ASB12: variants seen among roughly 807,000 people sequenced by gnomAD.
The protein encoded by ASB12 is ankyrin repeat and SOCS box containing 12, also known as ankyrin repeat and SOCS box protein 12.
ASB12 carries 17 observed loss-of-function variants against 13.7 expected under a neutral mutation model. The ratio of observed to expected loss-of-function variants is 1.24; its 90% CI spans 0.85 to 1.86. ASB12 has a LOEUF of 1.86. ASB12 is among the 40% of genes most tolerant of loss of function. ASB12 has a pLI of 0.00. For synonymous variants in ASB12, 107 were observed against 99.8 expected, an observed-to-expected ratio of 1.07 and a Z score of -0.43; for missense variants, 329 against 250.5, an observed-to-expected ratio of 1.31 and a Z score of -2.11.
rs994552026 is a variant in ASB12, at chrX:64,225,684, A to G, written c.-24-10T>C. The G allele has an allele frequency of 2.6e-6, 3 of 1,156,224 alleles. No homozygotes were observed. In the African/African-American group the frequency reaches 5.4e-5, roughly 21 times the overall value. On this transcript the variant is annotated splice_polypyrimidine_tract_variant and intron_variant, in intron 1 of 2. Coordinates refer to ENST00000362002, the MANE Select transcript of ASB12 (RefSeq NM_130388.4). ...CAAGGAAATGCCAGATCTGTGGGTG[A>G]CAAACAAGTGGGAGAGAATGAGGGT...
intron 2 of ASB12, 139 bp downstream of exon 2, chrX:64,224,689 T>C (rs1602081521): frequency 2.1e-6 from 1 of 471,390 alleles, no homozygotes; most frequent in African/African-American, 3.7e-5. Context: ...ACATAACCCC[T>C]CTTCTCTACT....
Position 64,225,646 on chromosome X carries a change from C to A in ASB12, c.5G>T (p.Arg2Ile). ...CATCTTGGCTAATTGGAGAACTATT[C>A]TCATTATGAGCACAAGGAAATGCCA... M[R>I]IVLQLAKMNL... The change falls in exon 2 of 3, where the codon AGA becomes ATA. Residue 2 changes from arginine to isoleucine, a missense_variant. Coordinates refer to ENST00000362002, the MANE Select transcript of ASB12 (RefSeq NM_130388.4). 4 of 1,181,771 alleles carry A rather than the reference C, an allele frequency of 3.4e-6. No homozygotes were observed. The highest frequency in any genetic ancestry group is 3.4e-6 in the Non-Finnish European group (3 of 879,743).
Position 64,224,832 on chromosome X carries a change from G to A in ASB12, c.819C>T (p.Ala273=). 1.7e-6 allele frequency: 2 copies of A among 1,181,211 alleles called. No homozygotes were observed. The highest frequency in any genetic ancestry group is 2.3e-6 in the Non-Finnish European group (2 of 877,963). ...GCTGGCCTGTTCACCACTCACCTCG[G>A]GCCTGTAGCAGCAATGCAATGCCTT... ...DDKGIALLLQ[A]RATPRSLLSQ... The change falls in exon 2 of 3, where the codon GCC becomes GCT. Residue 273 remains alanine, a synonymous_variant. Transcript: ENST00000362002.
At chrX:64,224,619 G>T in intron 2 of ASB12, 151 bp from the exon 3 acceptor site, 3 of 809,197 alleles carry the variant, frequency 3.7e-6, no homozygotes, top group South Asian at 5.6e-5. Context: ...ACCAGAAATT[G>T]GGCTAATGCT....
At position 64,224,397 on chromosome X, in the gene ASB12, G is replaced by A; in HGVS notation, c.895C>T (p.Gln299Ter). 1.7e-6 allele frequency: 2 copies of A among 1,210,017 alleles called. No individual in the cohort carries two copies. Among genetic ancestry groups the A allele is most frequent in the South Asian group, 1.8e-5 (1 of 56,919 alleles). ...GGAATATCCAGCTGGTTGATGGCTT[G>A]TGGCTGGCCAGCCTGGCACAAGGCT... The part of the protein sequence containing the change: ...RRALCQAGQP[Q>*]AINQLDIPPM... Residue 299 changes from glutamine (Q) to a stop codon, truncating the protein, a stop_gained, in exon 3 of 3, where the codon CAA becomes TAA. Coordinates refer to ENST00000362002, the MANE Select transcript of ASB12 (RefSeq NM_130388.4). LOFTEE classifies it high-confidence loss of function.
In ASB12 at chrX:64,224,213, A is replaced by G; in HGVS notation, c.*122T>C. ...TGGGACTTATTTTCTGGAGAATTTT[A>G]TTGTGGAGGATAATACAGGAGAGCA... On this transcript the variant is annotated 3_prime_UTR_variant, in exon 3 of 3. Coordinates refer to ENST00000362002, the MANE Select transcript of ASB12 (RefSeq NM_130388.4). 1 of 815,497 alleles carries G rather than the reference A, an allele frequency of 1.2e-6. No individual in the cohort carries two copies. Among genetic ancestry groups the G allele is most frequent in the South Asian group, 2.6e-5 (1 of 38,547 alleles). The allele number at this position is 815,497 out of a possible 1,213,427, so 67.2% of individuals were successfully genotyped here. A position where few individuals can be genotyped will look rare whatever the true frequency, so the allele number is the denominator to read the frequency against.
intron 1 of ASB12, among the ~76,000 whole-genome samples, chrX:64,229,307 C>T (rs925931635): frequency 8.9e-6 from 1 of 111,968 alleles, no homozygotes; most frequent in African/African-American, 3.3e-5. Flanking sequence ...GAGCCCACAG[C>T]AGAGCTCATA....
Position 64,224,259 on chromosome X carries a change from G to A in ASB12, c.*76C>T. ...GAGCAGCTCCAGGTAAGTGGATGAG[G>A]CTGTAATGCTCTCCAGCTACGTGAG... On this transcript the variant is annotated 3_prime_UTR_variant, in exon 3 of 3. Coordinates refer to ENST00000362002, the MANE Select transcript of ASB12 (RefSeq NM_130388.4). The A allele has an allele frequency of 1.9e-6, 2 of 1,078,304 alleles. No homozygotes were observed. Among genetic ancestry groups the A allele is most frequent in the East Asian group, 6.1e-5 (2 of 32,700 alleles). 88.9% of individuals were successfully genotyped at this position (1,078,304 alleles called of 1,213,427 possible).
Position 64,224,956 on chromosome X carries a change from T to C in ASB12, c.695A>G (p.His232Arg). The C allele has an allele frequency of 8.3e-7, 1 of 1,211,557 alleles. No homozygotes were observed. The highest frequency in any genetic ancestry group is 1.8e-5 in the South Asian group (1 of 56,900). Residue 232 changes from histidine to arginine, a missense_variant, in exon 2 of 3, where the codon CAT (histidine) becomes CGT (arginine). Physicochemically the swap from His to Arg is conservative, Grantham distance 29. Coordinates refer to ENST00000362002, the MANE Select transcript of ASB12 (RefSeq NM_130388.4). ...GATATACTCTGGCTCACAATTATGA[T>C]GGAGGCAGATTTCAAGGAGGGTGCG... ...RPRTLLEICL[H>R]HNCEPEYIQL... is the part of the protein sequence containing the mutation.
Position 64,225,624 on chromosome X carries a change from C to T in ASB12, c.27G>A (p.Lys9=). The part of the protein sequence containing the change: MRIVLQLA[K]MNLMDITKIF... Reference sequence around the variant, plus strand: ...TCTTGGTGATGTCCATGAGGTTCATCTTGGCTAATTGGAGAACTATTCTCA... The same window carrying T: ...TCTTGGTGATGTCCATGAGGTTCATTTTGGCTAATTGGAGAACTATTCTCA... Residue 9 remains lysine (K), a synonymous_variant, in exon 2 of 3, where the codon AAG becomes AAA. Coordinates refer to ENST00000362002, the MANE Select transcript of ASB12 (RefSeq NM_130388.4). The T allele has an allele frequency of 8.4e-7, 1 of 1,195,012 alleles. No homozygotes were observed. Among genetic ancestry groups the T allele is most frequent in the Non-Finnish European group, 1.1e-6 (1 of 886,124 alleles).
Position 64,224,282 on chromosome X carries a change from G to A in ASB12, c.*53C>T. On this transcript the variant is annotated 3_prime_UTR_variant, in exon 3 of 3. Coordinates refer to ENST00000362002, the MANE Select transcript of ASB12 (RefSeq NM_130388.4). Reference sequence around the variant, plus strand: ...AGGCTGTAATGCTCTCCAGCTACGTGAGTCCCCAGGTGGTTTTCGGAGGCA... The same window carrying A: ...AGGCTGTAATGCTCTCCAGCTACGTAAGTCCCCAGGTGGTTTTCGGAGGCA... 2 of 1,179,753 alleles carry A rather than the reference G, an allele frequency of 1.7e-6. 1 individual carries two copies. Among genetic ancestry groups the A allele is most frequent in the South Asian group, 3.6e-5 (2 of 55,256 alleles).
intron 1 of ASB12, 60 bp from the exon 2 acceptor site, chrX:64,225,734 C>T (rs1216553451): frequency 1.1e-5 from 12 of 1,082,226 alleles, no homozygotes; most frequent in East Asian, 6.6e-5. Context: ...TGACCATGCA[C>T]GCTCCTTGAA....
Position 64,224,952 on chromosome X carries a change from A to G in ASB12, c.699T>C (p.His233=). The change falls in exon 2 of 3, where the codon CAT becomes CAC. Residue 233 remains histidine (H), a synonymous_variant. Transcript: ENST00000362002. ...PRTLLEICLH[H]NCEPEYIQLL... is the part of the protein sequence containing the mutation. ...GCTGGATATACTCTGGCTCACAATT[A>G]TGATGGAGGCAGATTTCAAGGAGGG... 2 of 1,211,716 alleles carry G rather than the reference A, an allele frequency of 1.7e-6. No individual in the cohort carries two copies. The highest frequency in any genetic ancestry group is 1.1e-6 in the Non-Finnish European group (1 of 895,474).
intron 1 of ASB12, 41 bp from the exon 2 acceptor site, chrX:64,225,715 T>C (rs753673632): frequency 2.7e-5 from 30 of 1,128,008 alleles, no homozygotes; most frequent in Non-Finnish European, 3.5e-5. Flanking sequence ...AGGGTACCCA[T>C]CAAAAGCCTG....
Position 64,228,735 on chromosome X carries a change from T to C in ASB12, c.-25+1728A>G, listed in dbSNP as rs371171311. Among the ~76,000 whole-genome samples the C allele has an allele frequency of 6.2e-4, 69 of 111,464 alleles. 1 individual carries two copies. In the South Asian group the frequency reaches 0.026, roughly 42 times the overall value. On this transcript the variant is annotated intron_variant, in intron 1 of 2. Coordinates refer to ENST00000362002, the MANE Select transcript of ASB12 (RefSeq NM_130388.4). The stretch of plus-strand genomic sequence containing the variant: ...GAGCTGCAAGGGACCTTGTAGATCA[T>C]TTAATTTAATTTTTTCAATTTACAG...
Position 64,225,343 on chromosome X carries a change from T to A in ASB12, c.308A>T (p.Asp103Val). The A allele has an allele frequency of 8.3e-7, 1 of 1,208,602 alleles. No individual in the cohort carries two copies. Among genetic ancestry groups the A allele is most frequent in the Non-Finnish European group, 1.1e-6 (1 of 893,950 alleles). Residue 103 changes from aspartate to valine, a missense_variant, in exon 2 of 3, where the codon GAT (aspartate) becomes GTT (valine). By Grantham distance (152) the Asp-to-Val change is radical (BLOSUM62 -3). Transcript: ENST00000362002. ...LAHGADVDSL[D>V]VKAQTPLFTA... is the part of the protein sequence containing the mutation. ...GAAAAGTGGCGTCTGTGCCTTGACA[T>A]CCAAGCTGTCAACATCAGCACCATG...
At chrX:64,224,603 G>A (rs763572032) in intron 2 of ASB12, 135 bp from the exon 3 acceptor site, 33 of 875,232 alleles carry the variant, frequency 3.8e-5, no homozygotes, top group Non-Finnish European at 4.8e-5. Context: ...CATTGGCAGA[G>A]CCAGAACCAG....
At position 64,225,402 on chromosome X, in the gene ASB12, A is replaced by G; in HGVS notation, c.249T>C (p.Tyr83=). 8.3e-7 allele frequency: 1 copy of G among 1,209,158 alleles called. No homozygotes were observed. Among genetic ancestry groups the G allele is most frequent in the African/African-American group, 1.7e-5 (1 of 57,836 alleles). ...PGTPLRLAAS[Y]GHLSCLQVLL... is the part of the protein sequence containing the mutation. ...GGACTTGCAAACAGCTCAAGTGGCC[A>G]TAAGAAGCAGCCAAGCGCAAGGGTG... is the stretch of plus-strand genomic sequence containing the variant. Residue 83 remains tyrosine (Y), a synonymous_variant, in exon 2 of 3, where the codon TAT becomes TAC. Transcript: ENST00000362002.
chrX:64,225,419 G>A lies in ASB12; in HGVS notation c.232C>T (p.Arg78Cys), dbSNP rs768047377. 36 of 1,207,507 alleles carry A rather than the reference G, an allele frequency of 3.0e-5. No homozygotes were observed. Among genetic ancestry groups the A allele is most frequent in the East Asian group, 8.9e-5 (3 of 33,657 alleles). The change falls in exon 2 of 3, where the codon CGC becomes TGC. Residue 78 changes from arginine (R) to cysteine (C), a missense_variant. Transcript: ENST00000362002. ...SGWGVPGTPL[R>C]LAASYGHLSC... is the part of the protein sequence containing the mutation. ...AAGTGGCCATAAGAAGCAGCCAAGC[G>A]CAAGGGTGTCCCAGGAACACCCCAG...
Sources: allele counts gnomAD v4.1 joint callset (sites outside exome capture counted in the v4.1 genomes callset), GRCh38; gene constraint gnomAD v4.1.1; transcripts MANE v1.5; gene names NCBI Gene and HGNC (gene_info 2026-07-23, HGNC 2026-07-21).